The following CDH4 variants were observed in gnomAD, a reference collection of about 807,000 sequenced individuals.
CDH4 encodes cadherin-4.
CDH4 carries 33 observed loss-of-function variants against 86.0 expected under a neutral mutation model. The observed-to-expected ratio is 0.38, with a 90% confidence interval of 0.29 to 0.51. The LOEUF (loss-of-function observed/expected upper bound fraction) is 0.51. Ranked by LOEUF, CDH4 falls within the 20% of genes least tolerant of loss-of-function variation. CDH4 has a pLI of 0.86. For synonymous variants in CDH4, 555 were observed against 549.4 expected, an observed-to-expected ratio of 1.01 and a Z score of -0.14; for missense variants, 1,114 against 1,307.4, an observed-to-expected ratio of 0.85 and a Z score of 2.28.
chr20:61,463,592 G>C (rs1025529726), intron 2 of CDH4, among the ~76,000 whole-genome samples: 1 of 152,180 alleles, frequency 6.6e-6, no homozygotes, highest in East Asian at 1.9e-4. Context: ...GAAGACAATG[G>C]CTTCAAATGT....
intron 4 of CDH4, among the ~76,000 whole-genome samples, chr20:61,788,806 G>T (rs934964677): frequency 2.0e-5 from 3 of 152,210 alleles, no homozygotes; most frequent in African/African-American, 7.2e-5. Context: ...CAAGGGCATG[G>T]GAGACGAGGC....
chr20:61,790,706 CTCCA>C (rs1462022452), intron 4 of CDH4, among the ~76,000 whole-genome samples: 1 of 150,102 alleles, frequency 6.7e-6, no homozygotes, highest in Non-Finnish European at 1.5e-5. Flanking sequence ...CCATTTGTCT[CTCCA>C]TCCATTCATC....
chr20:61,539,128 C>G (rs866441914), intron 2 of CDH4, among the ~76,000 whole-genome samples: 1 of 152,106 alleles, frequency 6.6e-6, no homozygotes, highest in South Asian at 2.1e-4. Context: ...CTGCTGCTGC[C>G]CACCGTGGCC....
chr20:61,921,580 C>T (rs928060781), intron 9 of CDH4, among the ~76,000 whole-genome samples: 1 of 152,116 alleles, frequency 6.6e-6, no homozygotes, highest in African/African-American at 2.4e-5. Context: ...AGTGAAACCT[C>T]GTCTCTACTA....
chr20:61,293,262 G>T (rs564259437), intron 2 of CDH4, among the ~76,000 whole-genome samples: 14 of 152,324 alleles, frequency 9.2e-5, no homozygotes, highest in African/African-American at 3.4e-4. Context: ...TGGATGCAGA[G>T]AGGAGGATGA....
chr20:61,267,283 TG>T (rs139699346), intron 2 of CDH4, among the ~76,000 whole-genome samples: 2,959 of 152,354 alleles, frequency 0.019, 34 homozygotes, highest in Middle Eastern at 0.041. Context: ...GGGACTCTGC[TG>T]TTTCTCTCCA....
At position 61,858,313 on chromosome 20, in the gene CDH4, G is replaced by GTC. The variant is rs1441585611; in HGVS notation, c.877+5416_877+5417insCT. Among the ~76,000 whole-genome samples, 7 of 61,056 alleles carry GTC rather than the reference G, an allele frequency of 1.1e-4. No homozygotes were observed. The Admixed American group carries it at 1.2e-3, about 10-fold the overall frequency. 40.1% of individuals were successfully genotyped at this position (61,056 alleles called of 152,430 possible). Reference sequence around the variant, plus strand: ...TGTGTGTGTGTCTCTGTGTCTGTATGTGTGTCTGTGTCTGTCTGTGTCTGT... The same window carrying GTC: ...TGTGTGTGTGTCTCTGTGTCTGTATGTCTGTGTCTGTGTCTGTCTGTGTCTGT... On this transcript the variant is annotated intron_variant, in intron 6 of 15. Coordinates refer to ENST00000614565, the MANE Select transcript of CDH4 (RefSeq NM_001794.5).
At chr20:61,760,606 C>T (rs2145969099) in intron 3 of CDH4, among the ~76,000 whole-genome samples, 1 of 148,518 alleles carries the variant, frequency 6.7e-6, no homozygotes, top group South Asian at 2.1e-4. Context: ...GGGCACTGAG[C>T]CCAGACCTCG....
chr20:61,343,875 G>A (rs866328163), intron 2 of CDH4, among the ~76,000 whole-genome samples: 17 of 152,068 alleles, frequency 1.1e-4, no homozygotes, highest in Non-Finnish European at 7.4e-5. Context: ...TGGTCACATC[G>A]GTTGAAAGAA....
intron 2 of CDH4, among the ~76,000 whole-genome samples, chr20:61,260,402 C>A (rs78940804): frequency 0.018 from 2,772 of 152,316 alleles, 40 homozygotes; most frequent in Middle Eastern, 0.027. Context: ...ACTATCTGAA[C>A]CCCCACCAGA....
intron 2 of CDH4, among the ~76,000 whole-genome samples, chr20:61,691,391 A>ATG (rs965975600): frequency 6.6e-6 from 1 of 150,664 alleles, no homozygotes; most frequent in East Asian, 2.0e-4. Flanking sequence ...ATTTGTGTGG[A>ATG]TGTGTGTGTG....
chr20:61,916,704 C>A (rs980310942), intron 9 of CDH4, among the ~76,000 whole-genome samples: 1 of 152,246 alleles, frequency 6.6e-6, no homozygotes, highest in Non-Finnish European at 1.5e-5. Flanking sequence ...ACACTGCAGA[C>A]CTGACCAGGT....
At chr20:61,849,271 G>A (rs542673146) in intron 5 of CDH4, among the ~76,000 whole-genome samples, 6 of 152,222 alleles carry the variant, frequency 3.9e-5, no homozygotes, top group African/African-American at 1.4e-4. Flanking sequence ...TCAGACTCCA[G>A]TGTGACCCCA....
chr20:61,378,127 G>A (rs577849425), intron 2 of CDH4, among the ~76,000 whole-genome samples: 7 of 152,252 alleles, frequency 4.6e-5, no homozygotes, highest in African/African-American at 9.6e-5. Flanking sequence ...GGTGGTGCAC[G>A]CCTGTAGTCC....
At chr20:61,387,887 C>T (rs1003452063) in intron 2 of CDH4, among the ~76,000 whole-genome samples, 3 of 152,006 alleles carry the variant, frequency 2.0e-5, no homozygotes, top group African/African-American at 7.2e-5. Context: ...GTCTCCACTG[C>T]CGCCCAGATC....
At chr20:61,565,053 G>T (rs1004745770) in intron 2 of CDH4, among the ~76,000 whole-genome samples, 7 of 142,858 alleles carry the variant, frequency 4.9e-5, no homozygotes, top group African/African-American at 1.6e-4. Flanking sequence ...GCTGCCACTG[G>T]TGGTGCTCTT....
chr20:61,581,182 T>A (rs543905860), intron 2 of CDH4, among the ~76,000 whole-genome samples: 33 of 152,228 alleles, frequency 2.2e-4, no homozygotes, highest in Non-Finnish European at 4.3e-4. Flanking sequence ...AGGGGACCAG[T>A]GGGATGTACT....
chr20:61,755,973 A>G (rs185003954), intron 3 of CDH4, among the ~76,000 whole-genome samples: 583 of 152,264 alleles, frequency 3.8e-3, no homozygotes, highest in South Asian at 0.014. Context: ...CAACTGCATC[A>G]CCCCAGGCTC....
intron 2 of CDH4, among the ~76,000 whole-genome samples, chr20:61,691,415 G>T (rs1025932488): frequency 6.6e-5 from 10 of 151,814 alleles, no homozygotes; most frequent in Admixed American, 1.3e-4. Flanking sequence ...GTGGATGTGT[G>T]GATGTGTGTG....
Sources: allele counts gnomAD v4.1 joint callset (sites outside exome capture counted in the v4.1 genomes callset), GRCh38; gene constraint gnomAD v4.1.1; transcripts MANE v1.5; gene names NCBI Gene and HGNC (gene_info 2026-07-23, HGNC 2026-07-21).